The following LEPROT variants were observed in gnomAD, a reference collection of about 807,000 sequenced individuals.
The protein encoded by LEPROT is leptin receptor overlapping transcript.
Under a neutral mutation model 15.4 loss-of-function variants are expected in LEPROT, and 3 were observed. The observed-to-expected ratio is 0.19, with a 90% confidence interval of 0.09 to 0.50. The LOEUF is 0.50. Ranked by LOEUF, LEPROT falls within the 20% of genes least tolerant of loss-of-function variation. The probability of loss-of-function intolerance (pLI) is 0.97; values close to 1 mark genes in which losing one functional copy is unlikely to be tolerated. For missense variants in LEPROT, 137 were observed against 162.2 expected (o/e 0.84, Z 0.84); for synonymous variants, 59 against 57.5 (o/e 1.03, Z -0.12).
At chr1:65,421,600 C>T in intron 1 of LEPROT, 2 of 921,360 alleles carry the variant, frequency 2.2e-6, no homozygotes, top group South Asian at 1.6e-5. Context: ...AGTATATATA[C>T]GAGTACGCCT....
At chr1:65,422,324 A>G (rs555014280) in intron 1 of LEPROT, among the ~76,000 whole-genome samples, 1 of 116,280 alleles carries the variant, frequency 8.6e-6, no homozygotes, top group East Asian at 4.0e-4. Context: ...AGTCAGGAGC[A>G]CCAAAGATTG....
chr1:65,424,747 C>G (rs2101678275), intron 1 of LEPROT, among the ~76,000 whole-genome samples: 1 of 152,312 alleles, frequency 6.6e-6, no homozygotes, highest in South Asian at 2.1e-4. Flanking sequence ...TTTCTGCTCT[C>G]ACATTGGAGA....
At chr1:65,425,420 C>T in intron 2 of LEPROT, 42 bp downstream of exon 2, 1 of 1,535,520 alleles carries the variant, frequency 6.5e-7, no homozygotes, top group Non-Finnish European at 8.9e-7. Context: ...CTTTCTGTGT[C>T]TTTGTCACTA....
At chr1:65,429,682 T>A (rs1426578334) in intron 2 of LEPROT, among the ~76,000 whole-genome samples, 180 bp from the exon 3 acceptor site, 1 of 152,236 alleles carries the variant, frequency 6.6e-6, no homozygotes, top group African/African-American at 2.4e-5. Context: ...ATAGTAATTT[T>A]AAAATTATCA....
chr1:65,431,106 G>A (rs996400964), intron 3 of LEPROT, among the ~76,000 whole-genome samples: 26 of 152,276 alleles, frequency 1.7e-4, no homozygotes, highest in Admixed American at 3.9e-4. Context: ...TAGATAATGG[G>A]GAAAGATTGA....
At chr1:65,424,794 A>G (rs748359573) in intron 1 of LEPROT, among the ~76,000 whole-genome samples, 4 of 152,128 alleles carry the variant, frequency 2.6e-5, no homozygotes, top group Admixed American at 6.5e-5. Context: ...TGTGTGCTCT[A>G]CTTTCTCTCT....
At position 65,434,940 on chromosome 1, in the gene LEPROT, C is replaced by G; in HGVS notation, c.*3021C>G. On this transcript the variant is annotated 3_prime_UTR_variant, in exon 4 of 4. Coordinates refer to ENST00000371065, the MANE Select transcript of LEPROT (RefSeq NM_017526.5). ...AAAGAATGCCTTGTGATTATCTTCT[C>G]CACATCTGAAATTCCTTTTGACACC... is the stretch of plus-strand genomic sequence containing the variant. 2.0e-6 allele frequency: 2 copies of G among 985,506 alleles called. No homozygotes were observed. Among genetic ancestry groups the G allele is most frequent in the Non-Finnish European group, 2.4e-6 (2 of 830,006 alleles). The allele number at this position is 985,506 out of a possible 1,614,324, so 61.0% of individuals were successfully genotyped here.
chr1:65,425,216 T>C (rs961233561), intron 1 of LEPROT, 87 bp from the exon 2 acceptor site: 1 of 1,098,846 alleles, frequency 9.1e-7, no homozygotes, highest in Non-Finnish European at 1.4e-6. Context: ...CTGGACCTAT[T>C]AGAAGTCACT....
rs951285672 is a variant in LEPROT at position 65,428,108 on chromosome 1, T to G, written c.93-1754T>G. 4.6e-5 allele frequency: 7 copies of G among 152,508 alleles called. 1 individual carries two copies. The highest frequency in any genetic ancestry group is 1.7e-4 in the African/African-American group (7 of 41,480). The allele number at this position is 152,508 out of a possible 1,614,324, so 9.4% of individuals were successfully genotyped here. A position where few individuals can be genotyped will look rare whatever the true frequency, so the allele number is the denominator to read the frequency against. ...AGTAGTTGAGATAGTCTTTATGGCT[T>G]GCAGATCCTCGTTATTTACTCTTTG... On this transcript the variant is annotated intron_variant, in intron 2 of 3. Coordinates refer to ENST00000371065, the MANE Select transcript of LEPROT (RefSeq NM_017526.5).
Position 65,433,290 on chromosome 1 carries a change from T to C in LEPROT, c.*1371T>C, listed in dbSNP as rs532870363. On this transcript the variant is annotated 3_prime_UTR_variant, in exon 4 of 4. Coordinates refer to ENST00000371065, the MANE Select transcript of LEPROT (RefSeq NM_017526.5). ...GGGTGAACTGCTTAATTTCACTACG[T>C]GTTGATGTACTTGTCTTCCGTCCTG... 4.9e-4 allele frequency: 478 copies of C among 985,412 alleles called. 4 individuals are homozygous for C. In the South Asian group the frequency reaches 0.011, roughly 23 times the overall value. 61.0% of individuals were successfully genotyped at this position (985,412 alleles called of 1,614,324 possible). A position where few individuals can be genotyped will look rare whatever the true frequency, so the allele number is the denominator to read the frequency against.
At chr1:65,426,736 C>A (rs746592371) in intron 2 of LEPROT, among the ~76,000 whole-genome samples, 1 of 152,174 alleles carries the variant, frequency 6.6e-6, no homozygotes, top group East Asian at 1.9e-4. Context: ...CCATGGCTCA[C>A]GCCTGTAATC....
intron 1 of LEPROT, among the ~76,000 whole-genome samples, chr1:65,423,252 G>A (rs1458009943): frequency 6.6e-6 from 1 of 152,120 alleles, no homozygotes; most frequent in Non-Finnish European, 1.5e-5. Context: ...TGTGGTAGTA[G>A]GAGCTTTGGG....
In LEPROT at chr1:65,431,846, T is replaced by C; in HGVS notation, c.323T>C (p.Val108Ala). 6.2e-7 allele frequency: 1 copy of C among 1,614,088 alleles called. No homozygotes were observed. Among genetic ancestry groups the C allele is most frequent in the Non-Finnish European group, 8.5e-7 (1 of 1,179,954 alleles). ...ACGLVLAGNA[V>A]IFLTIQGFFL... ...GGCCTTGTGTTGGCAGGCAATGCAG[T>C]CATTTTCCTTACAATTCAAGGGTTT... The change falls in exon 4 of 4, where the codon GTC (valine) becomes GCC (alanine). Residue 108 changes from valine to alanine, a missense_variant. Transcript: ENST00000371065.
chr1:65,435,595 C>T lies in LEPROT; in HGVS notation c.*3676C>T, dbSNP rs1469036525. 1 of 648,204 alleles carries T rather than the reference C, an allele frequency of 1.5e-6. No individual in the cohort carries two copies. The allele number at this position is 648,204 out of a possible 1,614,324, so 40.2% of individuals were successfully genotyped here. A position where few individuals can be genotyped will look rare whatever the true frequency, so the allele number is the denominator to read the frequency against. On this transcript the variant is annotated 3_prime_UTR_variant, in exon 4 of 4. Transcript: ENST00000371065. ...TGTTAGCCAGGATGGTCTCGATCTCCTGACCTCATGATCCGCCCGCCTCTG... is the reference window on the plus strand; with the variant it reads ...TGTTAGCCAGGATGGTCTCGATCTCTTGACCTCATGATCCGCCCGCCTCTG...
At position 65,432,566 on chromosome 1, in the gene LEPROT, TAA is replaced by T. The variant is rs36067009; in HGVS notation, c.*661_*662del. 277,146 of 873,584 alleles carry T rather than the reference TAA, an allele frequency of 0.32. 22,375 individuals are homozygous for T. Among genetic ancestry groups the T allele is most frequent in the Non-Finnish European group, 0.34 (249,028 of 733,222 alleles). The allele number at this position is 873,584 out of a possible 1,614,324, so 54.1% of individuals were successfully genotyped here. On this transcript the variant is annotated 3_prime_UTR_variant, in exon 4 of 4. Transcript: ENST00000371065. ...TCTGGGTGTTACCTGCTCATTTGTT[TAA>T]AAAAAAAAAAAAAGTCTCACCTGCT... is the stretch of plus-strand genomic sequence containing the variant.
intron 3 of LEPROT, among the ~76,000 whole-genome samples, chr1:65,431,353 C>T (rs1014752542): frequency 6.6e-6 from 1 of 152,178 alleles, no homozygotes; most frequent in African/African-American, 2.4e-5. Context: ...ATCTACTAAG[C>T]TGGAAAGCAG....
chr1:65,434,278 A>G lies in LEPROT; in HGVS notation c.*2359A>G, dbSNP rs1241062890. The G allele has an allele frequency of 2.0e-6, 2 of 983,492 alleles. No individual in the cohort carries two copies. The highest frequency in any genetic ancestry group is 6.1e-5 in the Admixed American group (1 of 16,284). 60.9% of individuals were successfully genotyped at this position (983,492 alleles called of 1,614,324 possible). A position where few individuals can be genotyped will look rare whatever the true frequency, so the allele number is the denominator to read the frequency against. ...GAATATATAATACAAAAGTTTGATC[A>G]TGGTGACACAAATGTTGGACATTTT... On this transcript the variant is annotated 3_prime_UTR_variant, in exon 4 of 4. Transcript: ENST00000371065.
At chr1:65,426,914 C>T (rs1166525131) in intron 2 of LEPROT, among the ~76,000 whole-genome samples, 1 of 152,150 alleles carries the variant, frequency 6.6e-6, no homozygotes, top group East Asian at 1.9e-4. Flanking sequence ...AGGAGAATTG[C>T]TTGAACACAG....
At chr1:65,429,820 T>C (rs573471979) in intron 2 of LEPROT, 42 bp from the exon 3 acceptor site, 3 of 1,371,158 alleles carry the variant, frequency 2.2e-6, no homozygotes, top group East Asian at 5.1e-5. Flanking sequence ...AAAATGTAAC[T>C]GTTACTTTTC....
Sources: allele counts gnomAD v4.1 joint callset (sites outside exome capture counted in the v4.1 genomes callset), GRCh38; gene constraint gnomAD v4.1.1; transcripts MANE v1.5; gene names NCBI Gene and HGNC (gene_info 2026-07-23, HGNC 2026-07-21).